LRRTM3: variants seen among roughly 807,000 people sequenced by gnomAD.
LRRTM3 encodes leucine rich repeat transmembrane neuronal 3.
A neutral mutation model predicts 44.7 loss-of-function variants in LRRTM3; 24 were observed. That is an observed-to-expected ratio of 0.54 (90% CI 0.39 to 0.76). The LOEUF is 0.76. LRRTM3 is among the 30% of genes least tolerant of loss of function. The probability of loss-of-function intolerance (pLI) is 0.00; values close to 1 mark genes in which losing one functional copy is unlikely to be tolerated. For missense variants in LRRTM3, 587 were observed against 702.2 expected (o/e 0.84, Z 1.85); for synonymous variants, 277 against 278.7 (o/e 0.99, Z 0.06).
intron 2 of LRRTM3, among the ~76,000 whole-genome samples, chr10:67,036,240 C>T: frequency 6.6e-6 from 1 of 151,762 alleles, no homozygotes; most frequent in African/African-American, 2.4e-5. Context: ...GCAACCTCAA[C>T]CTCCTGGGCT....
chr10:66,938,340 T>C (rs573378958), intron 2 of LRRTM3, among the ~76,000 whole-genome samples: 1 of 152,226 alleles, frequency 6.6e-6, no homozygotes, highest in African/African-American at 2.4e-5. Context: ...GAACTACTAA[T>C]AGCATATTGT....
At chr10:67,074,505 C>T (rs1024703997) in intron 2 of LRRTM3, among the ~76,000 whole-genome samples, 6 of 151,952 alleles carry the variant, frequency 3.9e-5, no homozygotes, top group East Asian at 2.0e-4. Context: ...CGCCCACCAC[C>T]ACGCCCGGCT....
intron 2 of LRRTM3, among the ~76,000 whole-genome samples, chr10:67,026,139 A>G (rs1231380459): frequency 6.6e-6 from 1 of 150,966 alleles, no homozygotes; most frequent in Non-Finnish European, 1.5e-5. Context: ...GGATAGCATT[A>G]GGAGATATAC....
rs1394736457 is a variant in LRRTM3 at position 66,928,135 on chromosome 10, G to A, written c.1219G>A (p.Glu407Lys). The change falls in exon 2 of 3, where the codon GAG becomes AAG. Residue 407 changes from glutamate to lysine, a missense_variant. Transcript: ENST00000361320. Reference sequence around the variant, plus strand: ...GGTGGGAGCCACAGAGCCCGGCCCAGAGACCGATGCTGACGCCGAGCACAT... The same window carrying A: ...GGTGGGAGCCACAGAGCCCGGCCCAAAGACCGATGCTGACGCCGAGCACAT... ...PTVGATEPGP[E>K]TDADAEHISF... The A allele has an allele frequency of 4.3e-6, 7 of 1,614,074 alleles. No individual in the cohort carries two copies. The highest frequency in any genetic ancestry group is 5.1e-6 in the Non-Finnish European group (6 of 1,180,038).
chr10:67,100,385 A>T lies in LRRTM3; in HGVS notation c.*2589A>T, dbSNP rs1283520737. On this transcript the variant is annotated 3_prime_UTR_variant, in exon 3 of 3. Coordinates refer to ENST00000361320, the MANE Select transcript of LRRTM3 (RefSeq NM_178011.5). ...AGAAAAAAAATGCTGGATGATGATTATTATTATTTTTGCTTAATTTTTATT... is the reference window on the plus strand; with the variant it reads ...AGAAAAAAAATGCTGGATGATGATTTTTATTATTTTTGCTTAATTTTTATT... Among the ~76,000 whole-genome samples the T allele has an allele frequency of 6.6e-6, 1 of 151,756 alleles. No homozygotes were observed. The highest frequency in any genetic ancestry group is 2.4e-5 in the African/African-American group (1 of 41,368).
chr10:66,938,919 G>A (rs1178064295), intron 2 of LRRTM3, among the ~76,000 whole-genome samples: 3 of 152,138 alleles, frequency 2.0e-5, no homozygotes, highest in Non-Finnish European at 4.4e-5. Context: ...ATACATTTGT[G>A]ATCTCTCCCC....
chr10:66,928,503 T>C lies in LRRTM3; in HGVS notation c.1536+51T>C, dbSNP rs773159003. On this transcript the variant is annotated intron_variant, in intron 2 of 2. Coordinates refer to ENST00000361320, the MANE Select transcript of LRRTM3 (RefSeq NM_178011.5). ...CTCTTAAAAGCTGGGAAATAAGTGGTGCTTTATTGAACTCTGGTGACTATC... is the reference window on the plus strand; with the variant it reads ...CTCTTAAAAGCTGGGAAATAAGTGGCGCTTTATTGAACTCTGGTGACTATC... 4 of 1,504,058 alleles carry C rather than the reference T, an allele frequency of 2.7e-6. No individual in the cohort carries two copies. The African/African-American group carries it at 4.2e-5, about 16-fold the overall frequency. The allele number at this position is 1,504,058 out of a possible 1,614,324, so 93.2% of individuals were successfully genotyped here. A position where few individuals can be genotyped will look rare whatever the true frequency, so the allele number is the denominator to read the frequency against.
At chr10:66,984,221 G>A (rs1402741704) in intron 2 of LRRTM3, among the ~76,000 whole-genome samples, 1 of 152,118 alleles carries the variant, frequency 6.6e-6, no homozygotes, top group Non-Finnish European at 1.5e-5. Flanking sequence ...GAATGATGAC[G>A]TTCTTTCAGA....
chr10:66,943,607 AAATATAAAGATGTT>A (rs1468913750), intron 2 of LRRTM3, among the ~76,000 whole-genome samples: 1 of 152,024 alleles, frequency 6.6e-6, no homozygotes, highest in Non-Finnish European at 1.5e-5. Context: ...TTTTGTATAA[AAATATAAAGATGTT>A]ATGTGGTAAT....
intron 2 of LRRTM3, among the ~76,000 whole-genome samples, chr10:66,970,605 T>C (rs1315505519): frequency 1.3e-5 from 2 of 152,136 alleles, no homozygotes; most frequent in African/African-American, 4.8e-5. Context: ...GAGGAAGGTA[T>C]AGAAATTTAG....
intron 2 of LRRTM3, among the ~76,000 whole-genome samples, chr10:67,041,376 G>A (rs1442237068): frequency 6.6e-6 from 1 of 152,032 alleles, no homozygotes; most frequent in Non-Finnish European, 1.5e-5. Flanking sequence ...AGGTTACTTA[G>A]TGAATGCCAA....
intron 2 of LRRTM3, among the ~76,000 whole-genome samples, chr10:67,063,426 A>C (rs1052487318): frequency 3.3e-5 from 5 of 152,208 alleles, no homozygotes; most frequent in African/African-American, 1.2e-4. Context: ...AGTTAAATTC[A>C]TTAAAGAAAA....
At chr10:66,957,058 C>T (rs1054927989) in intron 2 of LRRTM3, among the ~76,000 whole-genome samples, 1 of 152,132 alleles carries the variant, frequency 6.6e-6, no homozygotes, top group East Asian at 1.9e-4. Flanking sequence ...CTAGCTCTGT[C>T]TAAATTGAAT....
chr10:66,926,296 A>C lies in LRRTM3; in HGVS notation c.-288A>C. On this transcript the variant is annotated 5_prime_UTR_variant, in exon 1 of 3. Coordinates refer to ENST00000361320, the MANE Select transcript of LRRTM3 (RefSeq NM_178011.5). Reference sequence around the variant, plus strand: ...TAACCGCCCCCTCCCCACCCCCCAAAAAACTGTAAAGATGCAAAAACGTAA... The same window carrying C: ...TAACCGCCCCCTCCCCACCCCCCAACAAACTGTAAAGATGCAAAAACGTAA... 1 of 478,434 alleles carries C rather than the reference A, an allele frequency of 2.1e-6. No individual in the cohort carries two copies. Among genetic ancestry groups the C allele is most frequent in the Non-Finnish European group, 3.8e-6 (1 of 260,284 alleles). The allele number at this position is 478,434 out of a possible 1,614,324, so 29.6% of individuals were successfully genotyped here.
intron 2 of LRRTM3, among the ~76,000 whole-genome samples, chr10:66,979,401 C>T (rs1477795029): frequency 6.6e-6 from 1 of 152,022 alleles, no homozygotes; most frequent in East Asian, 1.9e-4. Flanking sequence ...TGGAAGTTTT[C>T]CTCATTTTTA....
At chr10:67,080,910 AAAAAAAC>A (rs1237015664) in intron 2 of LRRTM3, among the ~76,000 whole-genome samples, 56 of 148,104 alleles carry the variant, frequency 3.8e-4, no homozygotes, top group African/African-American at 1.2e-3. Context: ...CTCTGTCTGA[AAAAAAAC>A]AAAAAAACAA....
chr10:67,031,426 C>T (rs527810820), intron 2 of LRRTM3, among the ~76,000 whole-genome samples: 3 of 152,280 alleles, frequency 2.0e-5, no homozygotes, highest in East Asian at 1.9e-4. Flanking sequence ...TTCTACTATA[C>T]ATTGTGCTTA....
At chr10:66,951,088 TACACACACACACACAC>T (rs3056558) in intron 2 of LRRTM3, among the ~76,000 whole-genome samples, 2 of 146,066 alleles carry the variant, frequency 1.4e-5, no homozygotes, top group Non-Finnish European at 3.0e-5. Context: ...TAACATTAAA[TACACACACACACACAC>T]ACACACACAC....
intron 2 of LRRTM3, among the ~76,000 whole-genome samples, chr10:66,971,840 C>A (rs990070511): frequency 1.3e-5 from 2 of 151,892 alleles, no homozygotes; most frequent in Non-Finnish European, 2.9e-5. Context: ...AGGTTCTTCT[C>A]TTTAATATTT....
Sources: gnomAD v4.1 joint callset for allele counts (sites outside exome capture counted in the v4.1 genomes callset) on GRCh38, gnomAD v4.1.1 for gene constraint, MANE v1.5 for transcripts, NCBI Gene and HGNC (gene_info 2026-07-23, HGNC 2026-07-21) for gene names.